Variants in KALRN observed in about 807,000 individuals in gnomAD.
The protein encoded by KALRN is kalirin RhoGEF kinase.
A neutral mutation model predicts 353.7 loss-of-function variants in KALRN; 70 were observed. The observed-to-expected ratio is 0.20, with a 90% CI of 0.16 to 0.24. The LOEUF is 0.24. Among genes scored for constraint, KALRN ranks in the 10% least tolerant of loss-of-function variants. The probability of loss-of-function intolerance (pLI) is 1.00; values close to 1 mark genes in which losing one functional copy is unlikely to be tolerated. For synonymous variants in KALRN, 1,391 were observed against 1,434.8 expected, an observed-to-expected ratio of 0.97 and a Z score of 0.69; for missense variants, 2,791 against 3,756.7, an observed-to-expected ratio of 0.74 and a Z score of 6.72.
At chr3:124,488,852 A>G (rs2062841221) in intron 29 of KALRN, 1 of 152,288 alleles carries the variant, frequency 6.6e-6, no homozygotes, top group Non-Finnish European at 1.5e-5. Context: ...ATACATTCAC[A>G]TTCTTGTGCA....
At chr3:124,529,130 A>G (rs919012950) in intron 33 of KALRN, among the ~76,000 whole-genome samples, 8 of 152,282 alleles carry the variant, frequency 5.3e-5, no homozygotes, top group African/African-American at 1.9e-4. Flanking sequence ...GCCACAGGAT[A>G]AGTTCCATGA....
rs535065049 is a variant in KALRN, at chr3:124,115,677, C to G, written c.73+81864C>G. Among the ~76,000 whole-genome samples the G allele has an allele frequency of 3.8e-4, 58 of 152,260 alleles. 1 individual carries two copies. In the Middle Eastern group the frequency reaches 0.014, roughly 36 times the overall value. On this transcript the variant is annotated intron_variant, in intron 1 of 59. Coordinates refer to ENST00000682506, the MANE Select transcript of KALRN (RefSeq NM_001388419.1). ...CTTCTTTTTCAGCTTCACCCTGGTACTTCTGAATGACCAGGGTTCCTGCAG... is the reference window on the plus strand; with the variant it reads ...CTTCTTTTTCAGCTTCACCCTGGTAGTTCTGAATGACCAGGGTTCCTGCAG...
intron 1 of KALRN, among the ~76,000 whole-genome samples, chr3:124,201,560 T>C (rs1327932054): frequency 6.6e-6 from 1 of 152,222 alleles, no homozygotes; most frequent in African/African-American, 2.4e-5. Flanking sequence ...AAAAAAAGGA[T>C]TTAAAATGCT....
intron 23 of KALRN, among the ~76,000 whole-genome samples, chr3:124,457,761 C>A (rs2059461256): frequency 6.6e-6 from 1 of 152,190 alleles, no homozygotes; most frequent in Non-Finnish European, 1.5e-5. Context: ...TTTGACTCTT[C>A]AGCATTCTTT....
intron 47 of KALRN, among the ~76,000 whole-genome samples, chr3:124,671,329 A>AACACGTCACACTTGCTTCCTTCCTGC: frequency 6.6e-6 from 1 of 152,070 alleles, no homozygotes; most frequent in East Asian, 1.9e-4. Flanking sequence ...TCCCCTCGCC[A>AACACGTCACACTTGCTTCCTTCCTGC]ACACGTCACA....
At position 124,462,675 on chromosome 3, in the gene KALRN, A is replaced by T. The variant is rs1029907700; in HGVS notation, c.4031+42A>T. On this transcript the variant is annotated intron_variant, in intron 25 of 59. Transcript: ENST00000682506. ...TCTCAGAGGTGCACACTTAGGCCGTAAAAACCAGACAACAGGGTTCCCAAG... is the reference window on the plus strand; with the variant it reads ...TCTCAGAGGTGCACACTTAGGCCGTTAAAACCAGACAACAGGGTTCCCAAG... 11 of 1,162,156 alleles carry T rather than the reference A, an allele frequency of 9.5e-6. No homozygotes were observed. In the Admixed American group the frequency reaches 1.8e-4, roughly 19 times the overall value. 72.0% of individuals were successfully genotyped at this position (1,162,156 alleles called of 1,614,324 possible).
chr3:124,241,981 C>G (rs2080509349), intron 3 of KALRN, among the ~76,000 whole-genome samples: 1 of 152,164 alleles, frequency 6.6e-6, no homozygotes, highest in African/African-American at 2.4e-5. Context: ...GATGTAGAAA[C>G]ACATAGTCTT....
chr3:124,610,345 C>G (rs1473218788), intron 34 of KALRN, among the ~76,000 whole-genome samples: 2 of 152,142 alleles, frequency 1.3e-5, no homozygotes, highest in East Asian at 3.9e-4. Context: ...GAAGAAAACA[C>G]TGAAGTTGCA....
At position 124,368,388 on chromosome 3, in the gene KALRN, C is replaced by T. The variant is rs1214769778; in HGVS notation, c.1771-16457C>T. Reference sequence around the variant, plus strand: ...ACGCTCCTCACCTCCCAGACGGGGTCGCGGCCGGGCAGAGGCGCTCCTCAC... The same window carrying T: ...ACGCTCCTCACCTCCCAGACGGGGTTGCGGCCGGGCAGAGGCGCTCCTCAC... On this transcript the variant is annotated intron_variant, in intron 10 of 59. Transcript: ENST00000682506. 4.4e-5 allele frequency among the ~76,000 whole-genome samples: 5 copies of T among 114,564 alleles called. No individual in the cohort carries two copies. In the East Asian group the frequency reaches 8.6e-4, roughly 20 times the overall value. 75.2% of individuals were successfully genotyped at this position (114,564 alleles called of 152,430 possible). A position where few individuals can be genotyped will look rare whatever the true frequency, so the allele number is the denominator to read the frequency against.
chr3:124,675,561 G>A (rs1321007526), intron 49 of KALRN: 1 of 137,962 alleles, frequency 7.2e-6, no homozygotes, highest in African/African-American at 2.7e-5. Context: ...TTTAGGATTT[G>A]GGTGAATGCA....
chr3:124,482,947 G>C (rs2062140616), intron 28 of KALRN, 47 bp downstream of exon 28: 1 of 1,292,342 alleles, frequency 7.7e-7, no homozygotes, highest in Non-Finnish European at 1.1e-6. Context: ...TACTGCCTGG[G>C]GCAAGGGAGT....
At chr3:124,474,849 G>T (rs547523417) in intron 26 of KALRN, 117 bp downstream of exon 26, 32 of 812,214 alleles carry the variant, frequency 3.9e-5, no homozygotes, top group Non-Finnish European at 6.7e-5. Context: ...TACTGAGAGG[G>T]ACCATGAGTA....
rs2086910348 is a variant in KALRN at position 124,674,452 on chromosome 3, A to G, written c.7031A>G (p.Gln2344Arg). The G allele has an allele frequency of 6.2e-7, 1 of 1,614,090 alleles. No individual in the cohort carries two copies. The highest frequency in any genetic ancestry group is 8.5e-7 in the Non-Finnish European group (1 of 1,180,008). The change falls in exon 49 of 60, where the codon CAA (glutamine) becomes CGA (arginine). Residue 2344 changes from glutamine to arginine, a missense_variant. By Grantham distance (43) the Gln-to-Arg change is conservative. Around this residue, in one of 11 missense-constraint regions of KALRN, gnomAD observed 1,065 missense variants for 1,156.4 expected, o/e 0.92. Coordinates refer to ENST00000682506, the MANE Select transcript of KALRN (RefSeq NM_001388419.1). Reference sequence around the variant, plus strand: ...AAGGAGAATGAAATCTGTGTGAGCCAAGGTGAGGTGGTCCAGGTCCTCGCC... The same window carrying G: ...AAGGAGAATGAAATCTGTGTGAGCCGAGGTGAGGTGGTCCAGGTCCTCGCC... ...ALKENEICVSQGEVVQVLAVN... is the reference protein window; with the variant it reads ...ALKENEICVSRGEVVQVLAVN...
chr3:124,696,899 G>T (rs1465685981), intron 54 of KALRN, among the ~76,000 whole-genome samples: 1 of 152,068 alleles, frequency 6.6e-6, no homozygotes, highest in Non-Finnish European at 1.5e-5. Flanking sequence ...TCTACTTTCT[G>T]TCTCTATCAA....
At chr3:124,382,319 C>T (rs2087513744) in intron 10 of KALRN, among the ~76,000 whole-genome samples, 2 of 152,120 alleles carry the variant, frequency 1.3e-5, no homozygotes, top group Admixed American at 1.3e-4. Context: ...ATTTTAACCC[C>T]TAATTATCTA....
chr3:124,439,164 TCTC>T (rs2093582659), intron 18 of KALRN, 127 bp downstream of exon 18: 3 of 843,446 alleles, frequency 3.6e-6, no homozygotes, highest in Non-Finnish European at 5.4e-6. Flanking sequence ...TCTTTCTCTT[TCTC>T]CTCCTCCTCC....
At chr3:124,693,758 A>G (rs2061931627) in intron 51 of KALRN, 46 bp from the exon 52 acceptor site, 1 of 1,305,044 alleles carries the variant, frequency 7.7e-7, no homozygotes, top group Non-Finnish European at 1.1e-6. Context: ...GTTCTCTTTT[A>G]GTAGTTTAGG....
intron 12 of KALRN, 111 bp downstream of exon 12, chr3:124,395,454 C>T (rs971888807): frequency 2.2e-5 from 18 of 815,564 alleles, no homozygotes; most frequent in African/African-American, 8.5e-5. Flanking sequence ...GTGTGAGCTT[C>T]GGTTTCTTTA....
chr3:124,701,965 C>T (rs557897795), intron 56 of KALRN, 73 bp from the exon 57 acceptor site: 5 of 1,203,538 alleles, frequency 4.2e-6, no homozygotes, highest in South Asian at 3.6e-5. Context: ...TACTCTGGAG[C>T]TTTTCTGTTA....
Sources: gnomAD v4.1 joint callset for allele counts (sites outside exome capture counted in the v4.1 genomes callset) on GRCh38, gnomAD v4.1.1 for gene constraint, gnomAD v4.1.1 regional missense constraint, MANE v1.5 for transcripts, NCBI Gene and HGNC (gene_info 2026-07-23, HGNC 2026-07-21) for gene names.